TNR: variants seen among roughly 807,000 people sequenced by gnomAD.
TNR encodes the protein tenascin-R.
TNR carries 45 observed loss-of-function variants against 150.4 expected under a neutral mutation model. The ratio of observed to expected loss-of-function variants is 0.30; its 90% CI spans 0.24 to 0.38. The LOEUF (loss-of-function observed/expected upper bound fraction) is 0.38, where lower values mean the gene tolerates loss of function less well. Ranked by LOEUF, TNR falls within the 10% of genes least tolerant of loss-of-function variation. The pLI is 1.00. For missense variants in TNR, 1,544 were observed against 1,759.1 expected (o/e 0.88, Z 2.19); for synonymous variants, 687 against 678.4 (o/e 1.01, Z -0.20).
rs532338213 is a variant in TNR at position 175,635,121 on chromosome 1, T to C, written c.-164-106752A>G. On this transcript the variant is annotated intron_variant, in intron 1 of 22. Coordinates refer to ENST00000367674, the MANE Select transcript of TNR (RefSeq NM_003285.3). ...ACAAGAGGGCTGCTCCATCCTCACA[T>C]ACACCCAGAAGCTAAAGCCATGTGT... 4.1e-4 allele frequency among the ~76,000 whole-genome samples: 63 copies of C among 152,300 alleles called. 1 individual carries two copies. Among genetic ancestry groups the C allele is most frequent in the African/African-American group, 1.5e-3 (63 of 41,560 alleles).
At chr1:175,665,561 G>C (rs1036812749) in intron 1 of TNR, among the ~76,000 whole-genome samples, 1 of 152,222 alleles carries the variant, frequency 6.6e-6, no homozygotes, top group Non-Finnish European at 1.5e-5. Context: ...CATAAGAGCA[G>C]CCACACAGAG....
At chr1:175,555,168 GC>G (rs1661102192) in intron 1 of TNR, among the ~76,000 whole-genome samples, 1 of 152,142 alleles carries the variant, frequency 6.6e-6, no homozygotes, top group Non-Finnish European at 1.5e-5. Flanking sequence ...ACAGTGCCTG[GC>G]CCAGAGGAGA....
At chr1:175,630,773 G>A (rs1664300305) in intron 1 of TNR, among the ~76,000 whole-genome samples, 1 of 151,898 alleles carries the variant, frequency 6.6e-6, no homozygotes, top group South Asian at 2.1e-4. Context: ...AAATTTACTT[G>A]TGCTCCTAAA....
chr1:175,716,557 G>A (rs1458956703), intron 1 of TNR, among the ~76,000 whole-genome samples: 2 of 152,108 alleles, frequency 1.3e-5, no homozygotes, highest in African/African-American at 4.8e-5. Flanking sequence ...AGATCCTGTT[G>A]ATGTTGTACC....
chr1:175,330,427 C>CAGT, intron 20 of TNR, 192 bp from the exon 21 acceptor site: 1 of 507,488 alleles, frequency 2.0e-6, no homozygotes. Flanking sequence ...GCAAAGAGGA[C>CAGT]AGTCCAGGTC....
chr1:175,342,642 C>T (rs145791294), intron 18 of TNR, among the ~76,000 whole-genome samples: 3 of 152,194 alleles, frequency 2.0e-5, no homozygotes, highest in Non-Finnish European at 4.4e-5. Context: ...TGGTGGGAAC[C>T]CAGGAGGAGA....
intron 1 of TNR, among the ~76,000 whole-genome samples, chr1:175,731,144 A>T (rs140385085): frequency 1.3e-5 from 2 of 152,200 alleles, no homozygotes; most frequent in Non-Finnish European, 2.9e-5. Context: ...TGCAGAGCCC[A>T]TGAAGCTGGT....
chr1:175,446,858 T>C (rs1656073885), intron 2 of TNR, among the ~76,000 whole-genome samples: 1 of 152,132 alleles, frequency 6.6e-6, no homozygotes, highest in South Asian at 2.1e-4. Flanking sequence ...TGTGTATGTG[T>C]GTTCATGTGT....
intron 1 of TNR, among the ~76,000 whole-genome samples, chr1:175,569,291 C>A (rs924089267): frequency 1.3e-5 from 2 of 152,148 alleles, no homozygotes; most frequent in Non-Finnish European, 1.5e-5. Context: ...TCTCCACTAG[C>A]CCTCCTTCTT....
chr1:175,375,279 C>A (rs547300895), intron 9 of TNR, among the ~76,000 whole-genome samples: 1 of 151,954 alleles, frequency 6.6e-6, no homozygotes, highest in East Asian at 1.9e-4. Flanking sequence ...ACTCAAGGAC[C>A]CCTTTGGGAC....
chr1:175,438,122 AT>A (rs1655603898), intron 2 of TNR, among the ~76,000 whole-genome samples: 2 of 152,214 alleles, frequency 1.3e-5, no homozygotes, highest in Admixed American at 1.3e-4. Context: ...TGATGCAAAA[AT>A]CCTCAATAAA....
At chr1:175,384,747 G>A (rs1652846720) in intron 8 of TNR, among the ~76,000 whole-genome samples, 1 of 152,164 alleles carries the variant, frequency 6.6e-6, no homozygotes, top group African/African-American at 2.4e-5. Context: ...GTCCTAACCT[G>A]GATAGTCTCC....
chr1:175,631,695 TGTGA>T (rs1664331958), intron 1 of TNR, among the ~76,000 whole-genome samples: 1 of 152,124 alleles, frequency 6.6e-6, no homozygotes, highest in Non-Finnish European at 1.5e-5. Flanking sequence ...TATGAGTGTG[TGTGA>T]GTGTGAGGGT....
intron 17 of TNR, among the ~76,000 whole-genome samples, chr1:175,355,206 G>A (rs888029501): frequency 6.6e-6 from 1 of 152,184 alleles, no homozygotes; most frequent in Non-Finnish European, 1.5e-5. Context: ...GAAGTTGCAG[G>A]GGTAGAGACC....
At chr1:175,616,845 C>T (rs1663792291) in intron 1 of TNR, among the ~76,000 whole-genome samples, 1 of 152,210 alleles carries the variant, frequency 6.6e-6, no homozygotes, top group South Asian at 2.1e-4. Flanking sequence ...TTGCCACCAA[C>T]TCCCTGTGTG....
At chr1:175,331,209 C>A (rs1247789967) in intron 20 of TNR, among the ~76,000 whole-genome samples, 1 of 138,308 alleles carries the variant, frequency 7.2e-6, no homozygotes, top group Non-Finnish European at 1.6e-5. Flanking sequence ...TTCCTTCCTT[C>A]CTTCCTTCCT....
chr1:175,365,203 A>T lies in TNR; in HGVS notation c.2394T>A (p.Ser798=), dbSNP rs550748074. The T allele has an allele frequency of 1.2e-6, 2 of 1,613,994 alleles. No individual in the cohort carries two copies. Among genetic ancestry groups the T allele is most frequent in the South Asian group, 2.2e-5 (2 of 91,074 alleles). The change falls in exon 12 of 23, where the codon TCT becomes TCA. Residue 798 remains serine (S), a synonymous_variant. Coordinates refer to ENST00000367674, the MANE Select transcript of TNR (RefSeq NM_003285.3). ...SSVNITWSDP[S]PPADRLILNY... is the part of the protein sequence containing the mutation. ...TAAGAATGAGTCTGTCTGCTGGGGG[A>T]GATGGATCACTCCAAGTGATGTTCA...
chr1:175,319,091 T>A lies in TNR; in HGVS notation c.*4266A>T, dbSNP rs1009320702. 8.5e-5 allele frequency: 13 copies of A among 152,146 alleles called. No individual in the cohort carries two copies. Among genetic ancestry groups the A allele is most frequent in the African/African-American group, 3.1e-4 (13 of 41,428 alleles). 9.4% of individuals were successfully genotyped at this position (152,146 alleles called of 1,614,324 possible). A position where few individuals can be genotyped will look rare whatever the true frequency, so the allele number is the denominator to read the frequency against. ...CATGGAACTAAGAAATCAGATTGAC[T>A]AGTATTCTGGTGATAAGAAAGCAAG... On this transcript the variant is annotated 3_prime_UTR_variant, in exon 23 of 23. Coordinates refer to ENST00000367674, the MANE Select transcript of TNR (RefSeq NM_003285.3).
At chr1:175,580,229 T>C (rs911999162) in intron 1 of TNR, among the ~76,000 whole-genome samples, 1 of 152,240 alleles carries the variant, frequency 6.6e-6, no homozygotes, top group Non-Finnish European at 1.5e-5. Flanking sequence ...CTGTACAACC[T>C]AACTTCTCCC....
Sources: allele counts gnomAD v4.1 joint callset (sites outside exome capture counted in the v4.1 genomes callset), GRCh38; gene constraint gnomAD v4.1.1; transcripts MANE v1.5; gene names NCBI Gene and HGNC (gene_info 2026-07-23, HGNC 2026-07-21).